Variants in ULK4 observed in about 807,000 individuals in gnomAD.
ULK4 encodes the protein unc-51 like kinase 4.
In ULK4, 133 loss-of-function variants were observed where a neutral mutation model predicts 160.6. The observed-to-expected ratio is 0.83, with a 90% CI of 0.72 to 0.96. The LOEUF is 0.96. Ranked by LOEUF, ULK4 falls within the 40% of genes least tolerant of loss-of-function variation. The probability of loss-of-function intolerance (pLI) is 0.00; values close to 1 mark genes in which losing one functional copy is unlikely to be tolerated. For missense variants in ULK4, 1,580 were observed against 1,499.5 expected (o/e 1.05, Z -0.89); for synonymous variants, 534 against 539.8 (o/e 0.99, Z 0.15).
chr3:41,452,571 T>G (rs2083446294), intron 34 of ULK4, among the ~76,000 whole-genome samples: 1 of 152,202 alleles, frequency 6.6e-6, no homozygotes, highest in South Asian at 2.1e-4. Context: ...CATTTCTATT[T>G]CCTAATTAAC....
At chr3:41,862,798 CCT>C (rs1559615587) in intron 17 of ULK4, among the ~76,000 whole-genome samples, 9 of 150,600 alleles carry the variant, frequency 6.0e-5, no homozygotes, top group African/African-American at 1.7e-4. Context: ...CTCCCCCCCC[CCT>C]TTCTCTCTCT....
intron 12 of ULK4, among the ~76,000 whole-genome samples, chr3:41,903,200 G>T (rs1194206942): frequency 6.6e-6 from 1 of 152,192 alleles, no homozygotes; most frequent in Non-Finnish European, 1.5e-5. Flanking sequence ...ATCAATATTT[G>T]AAAGAGGTGG....
chr3:41,322,960 G>A (rs1470791380), intron 35 of ULK4, among the ~76,000 whole-genome samples: 5 of 151,206 alleles, frequency 3.3e-5, no homozygotes, highest in African/African-American at 7.3e-5. Context: ...TTTTTGAGAC[G>A]GAGTTTTGCT....
intron 31 of ULK4, among the ~76,000 whole-genome samples, chr3:41,573,140 T>G (rs1451351183): frequency 2.6e-5 from 4 of 152,216 alleles, no homozygotes; most frequent in Non-Finnish European, 5.9e-5. Context: ...CCAGTAGAGA[T>G]CATTAGAATT....
intron 22 of ULK4, among the ~76,000 whole-genome samples, chr3:41,725,077 T>C (rs567116053): frequency 2.0e-5 from 3 of 152,300 alleles, no homozygotes; most frequent in East Asian, 1.9e-4. Context: ...TTTTACTCTT[T>C]TAATGTCTTT....
intron 32 of ULK4, among the ~76,000 whole-genome samples, chr3:41,525,225 C>T (rs1362866056): frequency 6.6e-6 from 1 of 152,104 alleles, no homozygotes; most frequent in Admixed American, 6.6e-5. Context: ...CTCAGTAAGG[C>T]TAAAATCCTC....
intron 29 of ULK4, among the ~76,000 whole-genome samples, chr3:41,675,424 T>C (rs1415876258): frequency 1.3e-5 from 2 of 151,548 alleles, no homozygotes; most frequent in African/African-American, 4.9e-5. Flanking sequence ...ACTCTGTCTC[T>C]ACTAAAAATA....
chr3:41,296,324 A>C (rs879898397), intron 35 of ULK4, among the ~76,000 whole-genome samples: 2 of 152,218 alleles, frequency 1.3e-5, no homozygotes, highest in Non-Finnish European at 2.9e-5. Flanking sequence ...GAAAGAAAAG[A>C]AAAAGGGCTC....
chr3:41,590,831 A>G (rs2031247613), intron 31 of ULK4, among the ~76,000 whole-genome samples: 1 of 152,112 alleles, frequency 6.6e-6, no homozygotes, highest in South Asian at 2.1e-4. Flanking sequence ...TCAGTGTCTT[A>G]TGGGATCATA....
chr3:41,602,744 T>C (rs2032179324), intron 31 of ULK4, among the ~76,000 whole-genome samples: 1 of 152,272 alleles, frequency 6.6e-6, no homozygotes, highest in South Asian at 2.1e-4. Context: ...AAGATTTCTA[T>C]ACTTTATTTA....
intron 35 of ULK4, among the ~76,000 whole-genome samples, chr3:41,319,842 C>G (rs1045240464): frequency 1.3e-5 from 2 of 152,192 alleles, no homozygotes; most frequent in Middle Eastern, 3.4e-3. Context: ...AATGGTGGAG[C>G]CAGAGCCAGT....
intron 30 of ULK4, among the ~76,000 whole-genome samples, chr3:41,630,761 C>G (rs1575501952): frequency 1.3e-5 from 2 of 152,290 alleles, no homozygotes; most frequent in South Asian, 4.1e-4. Context: ...CTTCCCCCTG[C>G]CTCCTTTCTT....
chr3:41,642,217 T>G (rs1401058294), intron 30 of ULK4, among the ~76,000 whole-genome samples: 1 of 152,054 alleles, frequency 6.6e-6, no homozygotes, highest in Non-Finnish European at 1.5e-5. Flanking sequence ...ACTTTAAGTT[T>G]TAGGGTACAT....
chr3:41,307,792 T>C (rs1332248772), intron 35 of ULK4, among the ~76,000 whole-genome samples: 1 of 152,158 alleles, frequency 6.6e-6, no homozygotes, highest in African/African-American at 2.4e-5. Flanking sequence ...ATTGTACCAC[T>C]GCACTCTAGC....
At chr3:41,646,096 G>C (rs994115948) in intron 30 of ULK4, among the ~76,000 whole-genome samples, 3 of 152,182 alleles carry the variant, frequency 2.0e-5, no homozygotes, top group African/African-American at 7.2e-5. Context: ...CTCTGCACAT[G>C]AGATGGGTCT....
intron 34 of ULK4, among the ~76,000 whole-genome samples, chr3:41,432,257 A>G (rs2082932047): frequency 6.6e-6 from 1 of 152,180 alleles, no homozygotes; most frequent in African/African-American, 2.4e-5. Flanking sequence ...ACTTTAAAGA[A>G]ATACAAGCAT....
At chr3:41,539,741 C>A (rs1050718610) in intron 32 of ULK4, among the ~76,000 whole-genome samples, 2 of 152,132 alleles carry the variant, frequency 1.3e-5, no homozygotes, top group Admixed American at 1.3e-4. Flanking sequence ...CTACTTACAT[C>A]ACATTACAGA....
intron 34 of ULK4, among the ~76,000 whole-genome samples, chr3:41,426,163 A>C (rs1254993237): frequency 6.6e-6 from 1 of 152,216 alleles, no homozygotes; most frequent in African/African-American, 2.4e-5. Flanking sequence ...TAAACCAACA[A>C]AGATCAAAAC....
intron 29 of ULK4, 95 bp downstream of exon 29, chr3:41,681,413 C>T (rs1314990860): frequency 7.9e-6 from 12 of 1,528,418 alleles, no homozygotes; most frequent in Admixed American, 4.0e-5. Flanking sequence ...AACATAAGGA[C>T]ATCAAGACCC....
Sources: allele counts gnomAD v4.1 joint callset (sites outside exome capture counted in the v4.1 genomes callset), GRCh38; gene constraint gnomAD v4.1.1; transcripts MANE v1.5; gene names NCBI Gene and HGNC (gene_info 2026-07-23, HGNC 2026-07-21).